SALL1: variants seen among roughly 807,000 people sequenced by gnomAD.
The protein encoded by SALL1 is spalt like transcription factor 1.
A neutral mutation model predicts 73.1 loss-of-function variants in SALL1; 10 were observed. The ratio of observed to expected loss-of-function variants is 0.14; its 90% CI spans 0.08 to 0.23. The LOEUF is 0.23. SALL1 is among the 10% of genes least tolerant of loss of function. SALL1 has a pLI of 1.00. For missense variants in SALL1, 1,520 were observed against 1,697.3 expected (o/e 0.90, Z 1.84); for synonymous variants, 688 against 689.8 (o/e 1.00, Z 0.04).
At chr16:51,149,610 A>C (rs1051840166) in intron 1 of SALL1, 3 of 152,194 alleles carry the variant, frequency 2.0e-5, no homozygotes, top group Non-Finnish European at 2.9e-5. Context: ...AGCTTGAGGA[A>C]ACACTGGGGG....
chr16:51,141,737 C>A lies in SALL1; in HGVS notation c.485G>T (p.Gly162Val). The change falls in exon 2 of 3, where the codon GGC becomes GTC. Residue 162 changes from glycine (G) to valine (V), a missense_variant. Physicochemically the swap from Gly to Val is moderately radical, Grantham distance 109. Coordinates refer to ENST00000251020, the MANE Select transcript of SALL1 (RefSeq NM_002968.3). This position sits in a 1 kb window ranked among gnomAD's most constrained non-coding sequence, Gnocchi z 5.4. ...SSSSSSSSGG[G>V]GSSSTGTSAI... is the part of the protein sequence containing the mutation. ...TGAGGTACCTGTGGAGGAGCTGCCG[C>A]CGCCGCCGCTGCTGCTGCTGCTGCT... is the stretch of plus-strand genomic sequence containing the variant. 1 of 1,612,640 alleles carries A rather than the reference C, an allele frequency of 6.2e-7. No individual in the cohort carries two copies. The highest frequency in any genetic ancestry group is 1.7e-5 in the Admixed American group (1 of 59,982).
At chr16:51,151,281 T>TAA, upstream of SALL1, 2 of 1,400,490 alleles carry the variant, frequency 1.4e-6, no homozygotes, top group Non-Finnish European at 1.9e-6. Context: ...AAAAAATTAC[T>TAA]AAAAAAAAAT....
At position 51,140,311 on chromosome 16, in the gene SALL1, C is replaced by A. The variant is rs148595195; in HGVS notation, c.1911G>T (p.Ala637=). The part of the protein sequence containing the change: ...SGMVTNSVPT[A]SSSVLSSPAA... Reference sequence around the variant, plus strand: ...CTGGGGAGCTCAGGACGCTACTGCTCGCCGTCGGGACTGAGTTGGTGACCA... The same window carrying A: ...CTGGGGAGCTCAGGACGCTACTGCTAGCCGTCGGGACTGAGTTGGTGACCA... The change falls in exon 2 of 3, where the codon GCG becomes GCT. Residue 637 remains alanine, a synonymous_variant. Coordinates refer to ENST00000251020, the MANE Select transcript of SALL1 (RefSeq NM_002968.3). The surrounding 1 kb of genome is among the most constrained non-coding windows in gnomAD (Gnocchi z 5.7). 4 of 1,613,976 alleles carry A rather than the reference C, an allele frequency of 2.5e-6. No individual in the cohort carries two copies. Among genetic ancestry groups the A allele is most frequent in the Non-Finnish European group, 2.5e-6 (3 of 1,180,048 alleles).
At chr16:51,143,679 A>G (rs1264101006) in intron 1 of SALL1, among the ~76,000 whole-genome samples, 1 of 152,166 alleles carries the variant, frequency 6.6e-6, no homozygotes, top group Admixed American at 6.5e-5. Flanking sequence ...CATTCCAGAA[A>G]ATAAAATTAA....
chr16:51,145,183 C>A (rs1292719262), intron 1 of SALL1, among the ~76,000 whole-genome samples: 1 of 141,594 alleles, frequency 7.1e-6, no homozygotes, highest in Non-Finnish European at 1.5e-5. Context: ...TACACACACA[C>A]ACATACACAC....
At chr16:51,149,394 A>AACTTT (rs1175970829) in intron 1 of SALL1, 7 of 152,188 alleles carry the variant, frequency 4.6e-5, no homozygotes, top group Non-Finnish European at 7.3e-5. Flanking sequence ...TCTCACCAGA[A>AACTTT]ACTTTAGGAA....
In SALL1 at chr16:51,139,380, G is replaced by C. The variant is rs1259504117; in HGVS notation, c.2842C>G (p.Pro948Ala). 18 of 1,614,192 alleles carry C rather than the reference G, an allele frequency of 1.1e-5. No individual in the cohort carries two copies. Among genetic ancestry groups the C allele is most frequent in the Middle Eastern group, 1.6e-4 (1 of 6,062 alleles). The change falls in exon 2 of 3, where the codon CCA (proline) becomes GCA (alanine). Residue 948 changes from proline (P) to alanine (A), a missense_variant. Pro to Ala is a conservative substitution (Grantham distance 27). Coordinates refer to ENST00000251020, the MANE Select transcript of SALL1 (RefSeq NM_002968.3). Reference sequence around the variant, plus strand: ...AACTCGCTTGGGACCGCTCTCTGTGGTTTCTCCTCAATGCTGGGTGACTTG... The same window carrying C: ...AACTCGCTTGGGACCGCTCTCTGTGCTTTCTCCTCAATGCTGGGTGACTTG... ...FHKSPSIEEK[P>A]QRAVPSEFAN...
Position 51,151,204 on chromosome 16 carries a change from T to C in SALL1, c.38A>G (p.Gln13Arg). The C allele has an allele frequency of 6.2e-7, 1 of 1,602,612 alleles. No individual in the cohort carries two copies. The highest frequency in any genetic ancestry group is 1.1e-5 in the South Asian group (1 of 88,492). Residue 13 changes from glutamine to arginine, a missense_variant, in exon 1 of 3, where the codon CAA becomes CGA. Physicochemically the swap from Gln to Arg is conservative, Grantham distance 43 (BLOSUM62 1). Around this residue, in one of 7 missense-constraint regions of SALL1, gnomAD observed 540 missense variants for 567.5 expected, o/e 0.95. Transcript: ENST00000251020. ...GAGCGAGGCCACTTCGGGGTCGGAT[T>C]GGAAATGTTGAGGCTTCGCTTGCTT... ...RRKQAKPQHF[Q>R]SDPEVASLPR...
At chr16:51,143,900 C>G (rs564477447) in intron 1 of SALL1, among the ~76,000 whole-genome samples, 1 of 152,270 alleles carries the variant, frequency 6.6e-6, no homozygotes, top group South Asian at 2.1e-4. Context: ...TGCATTAACA[C>G]CACCAAACAA....
chr16:51,139,272 C>CCCT lies in SALL1; in HGVS notation c.2949_2950insAGG (p.Glu983_Asp984insArg). On this transcript the variant is annotated inframe_insertion, in exon 2 of 3. Coordinates refer to ENST00000251020, the MANE Select transcript of SALL1 (RefSeq NM_002968.3). ...AAAGGGAAGAGGATCCCCAAAGAAT[C>CCCT]TTCTTTGATGATTTTCTCTGCGTGA... The CCCT allele has an allele frequency of 6.2e-7, 1 of 1,614,168 alleles. No homozygotes were observed. The highest frequency in any genetic ancestry group is 8.5e-7 in the Non-Finnish European group (1 of 1,180,030).
Position 51,140,929 on chromosome 16 carries a change from T to G in SALL1, c.1293A>C (p.Pro431=). The G allele has an allele frequency of 6.2e-7, 1 of 1,614,244 alleles. No individual in the cohort carries two copies. Among genetic ancestry groups the G allele is most frequent in the Non-Finnish European group, 8.5e-7 (1 of 1,180,044 alleles). The change falls in exon 2 of 3, where the codon CCA becomes CCC. Residue 431 remains proline (P), a synonymous_variant. Coordinates refer to ENST00000251020, the MANE Select transcript of SALL1 (RefSeq NM_002968.3). This position sits in a 1 kb window ranked among gnomAD's most constrained non-coding sequence, Gnocchi z 5.7. ...TTTTCGCTTCAAAGGCAGTGACATTTGGTGGCTTGCTTTTTCTTTGCTGGG... is the reference window on the plus strand; with the variant it reads ...TTTTCGCTTCAAAGGCAGTGACATTGGGTGGCTTGCTTTTTCTTTGCTGGG... ...ALAQQRKSKP[P]NVTAFEAKST...
chr16:51,148,333 TTCTAGGTC>T (rs1236207007), intron 1 of SALL1, among the ~76,000 whole-genome samples: 1 of 152,212 alleles, frequency 6.6e-6, no homozygotes, highest in African/African-American at 2.4e-5. Flanking sequence ...CTACAAACTT[TTCTAGGTC>T]TCACTCTGGG....
intron 1 of SALL1, among the ~76,000 whole-genome samples, chr16:51,146,191 A>C (rs1962515565): frequency 6.6e-6 from 1 of 152,054 alleles, no homozygotes; most frequent in African/African-American, 2.4e-5. Context: ...AAGTTCACTC[A>C]CTGTTCTGAC....
chr16:51,145,485 T>C (rs1480679379), intron 1 of SALL1, among the ~76,000 whole-genome samples: 1 of 152,146 alleles, frequency 6.6e-6, no homozygotes, highest in Non-Finnish European at 1.5e-5. Flanking sequence ...TCTAAGTATG[T>C]GCACACAAAC....
Position 51,137,507 on chromosome 16 carries a change from C to T in SALL1, c.3580G>A (p.Gly1194Ser). The T allele has an allele frequency of 6.2e-7, 1 of 1,613,824 alleles. No homozygotes were observed. Among genetic ancestry groups the T allele is most frequent in the Non-Finnish European group, 8.5e-7 (1 of 1,179,984 alleles). The change falls in exon 3 of 3, where the codon GGT (glycine) becomes AGT (serine). Residue 1194 changes from glycine (G) to serine (S), a missense_variant. Gly to Ser is a moderately conservative substitution (Grantham distance 56). This residue lies in a region of SALL1 where 318 missense variants were observed against 357.1 expected (regional missense o/e 0.89). Transcript: ENST00000251020. ...GGGCCATCCACAGAGAGCCGCCGAC[C>T]CCGTCGTGCAGGGGTGCTATTCCAC... Reference protein sequence around the residue: ...HMWNSTPARRGRRLSVDGPMT... With the variant: ...HMWNSTPARRSRRLSVDGPMT...
rs1475180739 is a variant in SALL1 at position 51,139,731 on chromosome 16, C to T, written c.2491G>A (p.Asp831Asn). 6.2e-7 allele frequency: 1 copy of T among 1,614,094 alleles called. No individual in the cohort carries two copies. The highest frequency in any genetic ancestry group is 8.5e-7 in the Non-Finnish European group (1 of 1,180,044). The change falls in exon 2 of 3, where the codon GAC (aspartate) becomes AAC (asparagine). Residue 831 changes from aspartate to asparagine, a missense_variant. Around this residue, in one of 7 missense-constraint regions of SALL1, gnomAD observed 266 missense variants for 275.1 expected, o/e 0.97. Coordinates refer to ENST00000251020, the MANE Select transcript of SALL1 (RefSeq NM_002968.3). The part of the protein sequence containing the change: ...LDNFSDENME[D>N]CPEGSIPDTP... ...TCAGGGATGCTGCCCTCAGGACAGTCTTCCATGTTTTCATCAGAGAAGTTG... is the reference window on the plus strand; with the variant it reads ...TCAGGGATGCTGCCCTCAGGACAGTTTTCCATGTTTTCATCAGAGAAGTTG...
chr16:51,140,431 G>C lies in SALL1; in HGVS notation c.1791C>G (p.Gly597=). The part of the protein sequence containing the change: ...PPGSVKSDSG[G]PESATRNLGG... ...CTAGGTTTCTTGTGGCTGACTCAGG[G>C]CCCCCGGAGTCACTTTTGACTGAGC... The change falls in exon 2 of 3, where the codon GGC becomes GGG. Residue 597 remains glycine, a synonymous_variant. Transcript: ENST00000251020. This position sits in a 1 kb window ranked among gnomAD's most constrained non-coding sequence, Gnocchi z 5.7. 1 of 1,613,950 alleles carries C rather than the reference G, an allele frequency of 6.2e-7. No individual in the cohort carries two copies. Among genetic ancestry groups the C allele is most frequent in the African/African-American group, 1.3e-5 (1 of 75,022 alleles).
In SALL1 at chr16:51,141,782, G is replaced by A. The variant is rs1183378579; in HGVS notation, c.440C>T (p.Thr147Ile). 3.7e-6 allele frequency: 6 copies of A among 1,612,090 alleles called. No individual in the cohort carries two copies. The African/African-American group carries it at 5.4e-5, about 14-fold the overall frequency. The change falls in exon 2 of 3, where the codon ACC becomes ATC. Residue 147 changes from threonine to isoleucine, a missense_variant. This residue lies in a region of SALL1 where 540 missense variants were observed against 567.5 expected (regional missense o/e 0.95). Coordinates refer to ENST00000251020, the MANE Select transcript of SALL1 (RefSeq NM_002968.3). This position sits in a 1 kb window ranked among gnomAD's most constrained non-coding sequence, Gnocchi z 5.4. ...SGTSSGSHSS[T>I]APSSSSSSSS... ...GCTGCTGCTGCTGCTGCTTGGGGCGGTACTGCTGTGGCTGCCGCTGGAAGT... is the reference window on the plus strand; with the variant it reads ...GCTGCTGCTGCTGCTGCTTGGGGCGATACTGCTGTGGCTGCCGCTGGAAGT...
chr16:51,141,003 G>T lies in SALL1; in HGVS notation c.1219C>A (p.Pro407Thr). 6.2e-7 allele frequency: 1 copy of T among 1,614,256 alleles called. No homozygotes were observed. The highest frequency in any genetic ancestry group is 8.5e-7 in the Non-Finnish European group (1 of 1,180,060). ...SANSVFPSPL[P>T]NIGTTAEDLN... ...TCCTCTGCAGTTGTTCCGATGTTGG[G>T]CAAAGGGCTGGGGAAAACCGAGTTA... Residue 407 changes from proline (P) to threonine (T), a missense_variant, in exon 2 of 3, where the codon CCC (proline) becomes ACC (threonine). Transcript: ENST00000251020. The surrounding 1 kb of genome is among the most constrained non-coding windows in gnomAD (Gnocchi z 5.4).
Sources: allele counts gnomAD v4.1 joint callset (sites outside exome capture counted in the v4.1 genomes callset), GRCh38; gene constraint gnomAD v4.1.1; regional missense constraint gnomAD v4.1.1; non-coding constraint Gnocchi (gnomAD v3.1); transcripts MANE v1.5; gene names NCBI Gene and HGNC (gene_info 2026-07-23, HGNC 2026-07-21).